The following DNAH10 variants were observed in gnomAD, a reference collection of about 807,000 sequenced individuals.
DNAH10 encodes dynein axonemal heavy chain 10.
In DNAH10, 348 loss-of-function variants were observed where a neutral mutation model predicts 506.6. The observed-to-expected ratio is 0.69, with a 90% CI of 0.63 to 0.75. DNAH10 has a LOEUF of 0.75. Ranked by LOEUF, DNAH10 falls within the 30% of genes least tolerant of loss-of-function variation. DNAH10 has a pLI of 0.00. For synonymous variants in DNAH10, 2,059 were observed against 2,198.6 expected (o/e 0.94, Z 1.78); for missense variants, 5,179 against 5,787.1 (o/e 0.89, Z 3.41).
rs1282563309 is a variant in DNAH10, at chr12:123,916,657, A to T, written c.10923A>T (p.Arg3641Ser). The stretch of plus-strand genomic sequence containing the variant: ...AAGTGGACTATGATTCAAATTTCAG[A>T]CTGTACCTGAACACCAAGCTGGCCA... ...DKEVDYDSNF[R>S]LYLNTKLANP... The change falls in exon 63 of 79, where the codon AGA (arginine) becomes AGT (serine). Residue 3641 changes from arginine (R) to serine (S), a missense_variant. By Grantham distance (110) the Arg-to-Ser change is moderately radical (BLOSUM62 -1). Coordinates refer to ENST00000673944, the MANE Select transcript of DNAH10 (RefSeq NM_001372106.1). The surrounding 1 kb of genome is among the most constrained non-coding windows in gnomAD (Gnocchi z 4.6). The T allele has an allele frequency of 6.2e-7, 1 of 1,613,922 alleles. No homozygotes were observed.
At position 123,913,464 on chromosome 12, in the gene DNAH10, C is replaced by A. The variant is rs540394684; in HGVS notation, c.10352+149C>A. 9.0e-5 allele frequency: 73 copies of A among 808,022 alleles called. No individual in the cohort carries two copies. The highest frequency in any genetic ancestry group is 1.1e-4 in the Non-Finnish European group (58 of 528,356). The allele number at this position is 808,022 out of a possible 1,614,324, so 50.1% of individuals were successfully genotyped here. ...TATGTTCCTATTATCATGTTTATGG[C>A]AGCTAATGGCTATTTTATAGGCTCT... On this transcript the variant is annotated intron_variant, in intron 60 of 78. Transcript: ENST00000673944. The surrounding 1 kb of genome is among the most constrained non-coding windows in gnomAD (Gnocchi z 5.1).
chr12:123,856,885 T>C (rs1829413232), intron 36 of DNAH10, among the ~76,000 whole-genome samples, 171 bp from the exon 37 acceptor site: 1 of 150,408 alleles, frequency 6.6e-6, no homozygotes, highest in Non-Finnish European at 1.5e-5. Context: ...ATTTCTGTAA[T>C]TTAAAATTAT....
At position 123,784,132 on chromosome 12, in the gene DNAH10, C is replaced by T; in HGVS notation, c.1185C>T (p.Ala395=). The change falls in exon 8 of 79, where the codon GCC becomes GCT. Residue 395 remains alanine, a synonymous_variant. Coordinates refer to ENST00000673944, the MANE Select transcript of DNAH10 (RefSeq NM_001372106.1). The part of the protein sequence containing the change: ...FTELFKFHTE[A]SDNVRFLSTV... ...AGTTATTCAAGTTCCACACGGAGGCCTCAGACAATGTGCGCTTTCTCTCCA... is the reference window on the plus strand; with the variant it reads ...AGTTATTCAAGTTCCACACGGAGGCTTCAGACAATGTGCGCTTTCTCTCCA... The T allele has an allele frequency of 6.2e-7, 1 of 1,614,218 alleles. No individual in the cohort carries two copies. Among genetic ancestry groups the T allele is most frequent in the Non-Finnish European group, 8.5e-7 (1 of 1,180,044 alleles).
At chr12:123,927,651 T>C (rs912584992) in intron 69 of DNAH10, 3 of 152,450 alleles carry the variant, frequency 2.0e-5, no homozygotes, top group Admixed American at 2.0e-4. Flanking sequence ...AGTCTGTGCG[T>C]CAGTAAGTGT....
chr12:123,931,214 A>G, intron 73 of DNAH10, 127 bp from the exon 74 acceptor site: 1 of 1,403,116 alleles, frequency 7.1e-7, no homozygotes, highest in Non-Finnish European at 9.4e-7. Context: ...CTGTCTCAAA[A>G]AAAAAAAAAG....
At chr12:123,896,170 G>C (rs1332165591) in intron 54 of DNAH10, among the ~76,000 whole-genome samples, 5 of 150,842 alleles carry the variant, frequency 3.3e-5, no homozygotes, top group African/African-American at 4.9e-5. Context: ...GAGAGAGAGA[G>C]AGAGAGAGAG....
chr12:123,820,904 A>T, intron 24 of DNAH10, 146 bp downstream of exon 24: 1 of 891,462 alleles, frequency 1.1e-6, no homozygotes, highest in South Asian at 1.7e-5. Flanking sequence ...GGGAAGGGGG[A>T]TGGGGAGTGA....
rs778066489 is a variant in DNAH10, at chr12:123,865,941, A to T, written c.7045-10A>T. On this transcript the variant is annotated splice_polypyrimidine_tract_variant and intron_variant, in intron 40 of 78. Transcript: ENST00000673944. Reference sequence around the variant, plus strand: ...GCTATAGCCATGATTGATTTTCTTTATTTATCCAGGTTGGAGATTTACAGT... The same window carrying T: ...GCTATAGCCATGATTGATTTTCTTTTTTTATCCAGGTTGGAGATTTACAGT... 1 of 1,595,798 alleles carries T rather than the reference A, an allele frequency of 6.3e-7. No homozygotes were observed. Among genetic ancestry groups the T allele is most frequent in the South Asian group, 1.1e-5 (1 of 87,202 alleles).
chr12:123,796,329 C>T lies in DNAH10; in HGVS notation c.1987-327C>T, dbSNP rs1335053145. Among the ~76,000 whole-genome samples, 5 of 151,978 alleles carry T rather than the reference C, an allele frequency of 3.3e-5. No homozygotes were observed. The South Asian group carries it at 6.3e-4, about 19-fold the overall frequency. On this transcript the variant is annotated intron_variant, in intron 12 of 78. Coordinates refer to ENST00000673944, the MANE Select transcript of DNAH10 (RefSeq NM_001372106.1). ...AAAATTAGCTGGGCATAGTGGTGGGCGCCTGTAATCCCAGCTACTTGGGAG... is the reference window on the plus strand; with the variant it reads ...AAAATTAGCTGGGCATAGTGGTGGGTGCCTGTAATCCCAGCTACTTGGGAG...
intron 5 of DNAH10, among the ~76,000 whole-genome samples, chr12:123,780,791 A>G (rs150929624): frequency 0.011 from 1,715 of 151,958 alleles, 34 homozygotes; most frequent in African/African-American, 0.039. Flanking sequence ...TCTACTAAAA[A>G]TACAAAAATT....
intron 18 of DNAH10, among the ~76,000 whole-genome samples, 190 bp downstream of exon 18, chr12:123,805,230 A>C (rs1958621308): frequency 6.6e-6 from 1 of 152,164 alleles, no homozygotes; most frequent in Non-Finnish European, 1.5e-5. Flanking sequence ...TCAACATTCC[A>C]AAAAAGAAAG....
At chr12:123,895,658 G>A (rs1953185644) in intron 54 of DNAH10, among the ~76,000 whole-genome samples, 1 of 152,126 alleles carries the variant, frequency 6.6e-6, no homozygotes. Context: ...TTGTCCTTTG[G>A]CCCGTAGTTG....
rs1950647224 is a variant in DNAH10, at chr12:123,838,496, G to A, written c.4943G>A (p.Cys1648Tyr). The A allele has an allele frequency of 1.2e-6, 2 of 1,613,896 alleles. No homozygotes were observed. The highest frequency in any genetic ancestry group is 3.3e-5 in the Admixed American group (2 of 59,992). The stretch of plus-strand genomic sequence containing the variant: ...TTAAAAGACCCCGTGATCAAGAGGT[G>A]CTGTGAAGCCCCAAACCGCCTCAGT... ...ETLKDPVIKR[C>Y]CEAPNRLSDL... The change falls in exon 29 of 79, where the codon TGC becomes TAC. Residue 1648 changes from cysteine (C) to tyrosine (Y), a missense_variant. Cys to Tyr is a radical substitution (Grantham distance 194, BLOSUM62 -2). This residue lies in a region of DNAH10 where 4,844 missense variants were observed against 5,430.5 expected (regional missense o/e 0.89). Transcript: ENST00000673944.
chr12:123,848,996 C>T, intron 34 of DNAH10, 114 bp downstream of exon 34: 4 of 1,277,130 alleles, frequency 3.1e-6, no homozygotes, highest in Admixed American at 2.6e-5. Flanking sequence ...ACCAGGCTTC[C>T]TGTAGAAGAT....
At position 123,838,705 on chromosome 12, in the gene DNAH10, G is replaced by A. The variant is rs778288188; in HGVS notation, c.5136+16G>A. 250 of 1,607,566 alleles carry A rather than the reference G, an allele frequency of 1.6e-4. No homozygotes were observed. Among genetic ancestry groups the A allele is most frequent in the Non-Finnish European group, 2.0e-4 (233 of 1,175,530 alleles). On this transcript the variant is annotated intron_variant, in intron 29 of 78. Coordinates refer to ENST00000673944, the MANE Select transcript of DNAH10 (RefSeq NM_001372106.1). ...CATGATCAAGGTCAGCCCTCTGGGTGTGCAGGGGCTCCCCGTGTAAGCCTT... is the reference window on the plus strand; with the variant it reads ...CATGATCAAGGTCAGCCCTCTGGGTATGCAGGGGCTCCCCGTGTAAGCCTT...
intron 51 of DNAH10, among the ~76,000 whole-genome samples, chr12:123,885,470 A>T (rs919463132): frequency 1.3e-5 from 2 of 151,060 alleles, no homozygotes; most frequent in Non-Finnish European, 3.0e-5. Context: ...AATATTGTTC[A>T]TTTTTTTTTC....
intron 12 of DNAH10, among the ~76,000 whole-genome samples, chr12:123,795,899 T>C (rs1958257472): frequency 6.6e-6 from 1 of 152,146 alleles, no homozygotes; most frequent in African/African-American, 2.4e-5. Context: ...AAAGGATAAG[T>C]GCTTGAGGGG....
At chr12:123,895,164 A>G (rs1953163109) in intron 54 of DNAH10, among the ~76,000 whole-genome samples, 1 of 152,230 alleles carries the variant, frequency 6.6e-6, no homozygotes, top group African/African-American at 2.4e-5. Flanking sequence ...GCTGGCCTCT[A>G]TCCAAAGAAT....
In DNAH10 at chr12:123,762,576, C is replaced by T. The variant is rs748443328; in HGVS notation, c.214+26C>T. On this transcript the variant is annotated intron_variant, in intron 1 of 78. Transcript: ENST00000673944. This position sits in a 1 kb window ranked among gnomAD's most constrained non-coding sequence, Gnocchi z 5.0. ...GTGAGCCTCGACGCGCCGCTCCCTT[C>T]CCCGGGCTTCCCTCCTGCCCGTCCC... 1.3e-6 allele frequency: 2 copies of T among 1,532,586 alleles called. No individual in the cohort carries two copies. Among genetic ancestry groups the T allele is most frequent in the South Asian group, 2.4e-5 (2 of 82,166 alleles). The allele number at this position is 1,532,586 out of a possible 1,614,324, so 94.9% of individuals were successfully genotyped here.
Sources: gnomAD v4.1 joint callset for allele counts (sites outside exome capture counted in the v4.1 genomes callset) on GRCh38, gnomAD v4.1.1 for gene constraint, gnomAD v4.1.1 regional missense constraint, Gnocchi (gnomAD v3.1) non-coding constraint, MANE v1.5 for transcripts, NCBI Gene and HGNC (gene_info 2026-07-23, HGNC 2026-07-21) for gene names.